Variants in CEP112 observed in about 807,000 individuals in gnomAD.
CEP112 encodes centrosomal protein 112, also known as centrosomal protein of 112 kDa.
In CEP112, 127 loss-of-function variants were observed where a neutral mutation model predicts 153.0. That is an observed-to-expected ratio of 0.83 (90% CI 0.72 to 0.96). The LOEUF (loss-of-function observed/expected upper bound fraction) is 0.96. Among genes scored for constraint, CEP112 ranks in the 40% least tolerant of loss-of-function variants. CEP112 has a pLI of 0.00. For synonymous variants in CEP112, 358 were observed against 374.4 expected (o/e 0.96, Z 0.51); for missense variants, 1,089 against 1,101.2 (o/e 0.99, Z 0.16).
intron 4 of CEP112, among the ~76,000 whole-genome samples, chr17:66,172,068 A>G (rs1380765946): frequency 6.6e-6 from 1 of 152,212 alleles, no homozygotes; most frequent in Non-Finnish European, 1.5e-5. Flanking sequence ...CCCGTTTCAA[A>G]GGGATTTTGT....
In CEP112 at chr17:65,803,790, A is replaced by G. The variant is rs116409290; in HGVS notation, c.2394+48014T>C. ...GACTGCTCTTAGGCAAACTTTTGCTAAATTAAATGTCTTACTGTGTTTTTG... is the reference window on the plus strand; with the variant it reads ...GACTGCTCTTAGGCAAACTTTTGCTGAATTAAATGTCTTACTGTGTTTTTG... On this transcript the variant is annotated intron_variant, in intron 21 of 26. Transcript: ENST00000535342. Among the ~76,000 whole-genome samples, 429 of 152,356 alleles carry G rather than the reference A, an allele frequency of 2.8e-3. 1 individual carries two copies. The highest frequency in any genetic ancestry group is 1.0e-2 in the African/African-American group (415 of 41,596).
chr17:65,776,446 C>G (rs983401456), intron 21 of CEP112, among the ~76,000 whole-genome samples: 1 of 152,144 alleles, frequency 6.6e-6, no homozygotes, highest in South Asian at 2.1e-4. Flanking sequence ...CGGATGGTCT[C>G]GATCTCCTGA....
chr17:65,946,723 A>G (rs1186372764), intron 18 of CEP112, among the ~76,000 whole-genome samples: 11 of 152,012 alleles, frequency 7.2e-5, no homozygotes, highest in Non-Finnish European at 1.5e-5. Context: ...GATTTTTTAA[A>G]ATTTTTTTTA....
At chr17:65,679,542 G>A (rs1400364176) in intron 24 of CEP112, among the ~76,000 whole-genome samples, 4 of 152,156 alleles carry the variant, frequency 2.6e-5, no homozygotes, top group Non-Finnish European at 5.9e-5. Context: ...AGCTAAGACT[G>A]TGAAGTTTTA....
chr17:65,641,376 T>C (rs2045125289), intron 24 of CEP112, among the ~76,000 whole-genome samples: 1 of 152,212 alleles, frequency 6.6e-6, no homozygotes, highest in Admixed American at 6.5e-5. Context: ...TTCCCCACTA[T>C]GCTAGCCCTG....
intron 23 of CEP112, among the ~76,000 whole-genome samples, chr17:65,734,296 AAC>A (rs1362421426): frequency 1.3e-5 from 2 of 152,292 alleles, no homozygotes; most frequent in Non-Finnish European, 2.9e-5. Flanking sequence ...GATCATAGAG[AAC>A]ATGGCATCTA....
chr17:65,937,617 G>A (rs1233175178), intron 18 of CEP112, among the ~76,000 whole-genome samples: 2 of 97,628 alleles, frequency 2.0e-5, no homozygotes, highest in African/African-American at 3.5e-5. Flanking sequence ...GGAGGGAGGT[G>A]GGGGGGTCAG....
chr17:65,977,613 G>T (rs908244006), intron 17 of CEP112, among the ~76,000 whole-genome samples: 3 of 152,168 alleles, frequency 2.0e-5, no homozygotes, highest in Non-Finnish European at 2.9e-5. Context: ...AGTCAGAGCT[G>T]TGGGCAGGGC....
rs973375921 is a variant in CEP112, at chr17:65,721,013, T to C, written c.2607+22055A>G. On this transcript the variant is annotated intron_variant, in intron 23 of 26. Transcript: ENST00000535342. ...GTTTTATCTCTCTCTCTCTCTCTTT[T>C]TTTTTTTTTTTTTTTTGAGACGGAG... Among the ~76,000 whole-genome samples, 96 of 119,744 alleles carry C rather than the reference T, an allele frequency of 8.0e-4. 1 individual carries two copies. The highest frequency in any genetic ancestry group is 2.8e-3 in the African/African-American group (85 of 30,338). The allele number at this position is 119,744 out of a possible 152,430, so 78.6% of individuals were successfully genotyped here. A position where few individuals can be genotyped will look rare whatever the true frequency, so the allele number is the denominator to read the frequency against.
intron 3 of CEP112, 27 bp downstream of exon 3, chr17:66,176,803 A>G (rs1476602302): frequency 1.3e-6 from 2 of 1,551,072 alleles, no homozygotes; most frequent in East Asian, 2.3e-5. Context: ...TGAAACTAAT[A>G]TATACCTTTT....
At chr17:66,110,823 C>G (rs2069003727) in intron 6 of CEP112, among the ~76,000 whole-genome samples, 1 of 151,966 alleles carries the variant, frequency 6.6e-6, no homozygotes, top group Non-Finnish European at 1.5e-5. Flanking sequence ...ACAAAGACAC[C>G]AAAAGCAATT....
At chr17:65,952,967 C>T (rs2061886499) in intron 18 of CEP112, among the ~76,000 whole-genome samples, 2 of 151,618 alleles carry the variant, frequency 1.3e-5, no homozygotes, top group South Asian at 4.2e-4. Flanking sequence ...ATTGGATTGT[C>T]TTTTTATTAT....
intron 18 of CEP112, among the ~76,000 whole-genome samples, chr17:65,950,699 C>CTATTATTATTATTATTAGTATTAG (rs57598697): frequency 1.4e-5 from 2 of 147,134 alleles, no homozygotes; most frequent in Non-Finnish European, 3.0e-5. Context: ...GGATACATTA[C>CTATTATTATTATTATTAGTATTAG]TAGTAGTAGT....
chr17:66,028,427 T>G (rs1324694568), intron 14 of CEP112, 22 bp from the exon 15 acceptor site: 1 of 1,398,486 alleles, frequency 7.2e-7, no homozygotes, highest in Non-Finnish European at 9.9e-7. Context: ...TTAAGAAGAA[T>G]AAAAAGCAGA....
intron 24 of CEP112, among the ~76,000 whole-genome samples, chr17:65,667,664 A>G (rs2046764620): frequency 6.6e-6 from 1 of 152,174 alleles, no homozygotes; most frequent in African/African-American, 2.4e-5. Flanking sequence ...AATTTTAGGT[A>G]CAGGTATATA....
chr17:65,937,915 T>G (rs2067375333), intron 18 of CEP112, among the ~76,000 whole-genome samples: 1 of 120,722 alleles, frequency 8.3e-6, no homozygotes, highest in Non-Finnish European at 1.8e-5. Context: ...ATCTGGGAGG[T>G]GTGCCCAGCG....
chr17:66,074,182 A>G (rs546146077), intron 8 of CEP112, among the ~76,000 whole-genome samples: 2 of 152,150 alleles, frequency 1.3e-5, no homozygotes, highest in African/African-American at 4.8e-5. Context: ...CAGAATCGAA[A>G]AGTGCAATAA....
At chr17:65,898,642 G>C (rs1412878187) in intron 20 of CEP112, among the ~76,000 whole-genome samples, 4 of 152,036 alleles carry the variant, frequency 2.6e-5, no homozygotes, top group Non-Finnish European at 5.9e-5. Context: ...TGTTTTGCAA[G>C]AGCCACTGTA....
At chr17:65,724,806 C>T (rs1218053440) in intron 23 of CEP112, among the ~76,000 whole-genome samples, 1 of 152,140 alleles carries the variant, frequency 6.6e-6, no homozygotes, top group African/African-American at 2.4e-5. Context: ...TGGCTCTCAG[C>T]CTAGTCCTGC....
Sources: gnomAD v4.1 joint callset for allele counts (sites outside exome capture counted in the v4.1 genomes callset) on GRCh38, gnomAD v4.1.1 for gene constraint, MANE v1.5 for transcripts, NCBI Gene and HGNC (gene_info 2026-07-23, HGNC 2026-07-21) for gene names.